COL23A1: variants seen among roughly 807,000 people sequenced by gnomAD.
COL23A1 encodes the protein collagen type XXIII alpha 1 chain.
COL23A1 carries 97 observed loss-of-function variants against 99.3 expected under a neutral mutation model. The ratio of observed to expected loss-of-function variants is 0.98; its 90% CI spans 0.83 to 1.16. The LOEUF is 1.16. Ranked by LOEUF, COL23A1 falls within the 50% of genes most tolerant of loss-of-function variation. The probability of loss-of-function intolerance (pLI) is 0.00; values close to 1 mark genes in which losing one functional copy is unlikely to be tolerated. For synonymous variants in COL23A1, 320 were observed against 308.2 expected, an observed-to-expected ratio of 1.04 and a Z score of -0.40; for missense variants, 762 against 757.4, an observed-to-expected ratio of 1.01 and a Z score of -0.07.
intron 5 of COL23A1, among the ~76,000 whole-genome samples, chr5:178,277,018 G>C (rs1756624723): frequency 6.6e-6 from 1 of 152,162 alleles, no homozygotes; most frequent in Admixed American, 6.5e-5. Context: ...AGTGTGAGGG[G>C]CTGGAATTGG....
intron 2 of COL23A1, among the ~76,000 whole-genome samples, chr5:178,555,070 G>A (rs560327212): frequency 2.6e-5 from 4 of 152,288 alleles, no homozygotes; most frequent in East Asian, 3.9e-4. Flanking sequence ...ATAAGGTGCC[G>A]TCAGGCTGAT....
intron 2 of COL23A1, among the ~76,000 whole-genome samples, chr5:178,431,820 A>G (rs1212445378): frequency 6.6e-6 from 1 of 152,268 alleles, no homozygotes; most frequent in Non-Finnish European, 1.5e-5. Flanking sequence ...TACAGCGTCC[A>G]CAAGAAACTA....
At chr5:178,436,534 CTG>C (rs1279353067) in intron 2 of COL23A1, among the ~76,000 whole-genome samples, 1 of 152,196 alleles carries the variant, frequency 6.6e-6, no homozygotes, top group Non-Finnish European at 1.5e-5. Flanking sequence ...TGGAAACACA[CTG>C]TGTGTTCTTC....
At chr5:178,319,499 G>A (rs754550381) in intron 2 of COL23A1, among the ~76,000 whole-genome samples, 2 of 152,194 alleles carry the variant, frequency 1.3e-5, no homozygotes, top group Non-Finnish European at 2.9e-5. Context: ...CCTACTCAGA[G>A]GTTCTAGGTG....
chr5:178,238,452 C>T lies in COL23A1; in HGVS notation c.*246G>A, dbSNP rs553580259. 66 of 560,570 alleles carry T rather than the reference C, an allele frequency of 1.2e-4. No homozygotes were observed. The East Asian group carries it at 1.9e-3, about 16-fold the overall frequency. The allele number at this position is 560,570 out of a possible 1,614,324, so 34.7% of individuals were successfully genotyped here. A position where few individuals can be genotyped will look rare whatever the true frequency, so the allele number is the denominator to read the frequency against. ...TGCCCGAGCCAGGTGCTTCTACCTT[C>T]ATCTCCTTCCTGGGAAAGCCCAGGC... On this transcript the variant is annotated 3_prime_UTR_variant, in exon 29 of 29. Coordinates refer to ENST00000390654, the MANE Select transcript of COL23A1 (RefSeq NM_173465.4).
chr5:178,470,185 GTGC>G (rs1756664393), intron 2 of COL23A1, among the ~76,000 whole-genome samples: 3 of 152,280 alleles, frequency 2.0e-5, no homozygotes, highest in South Asian at 4.1e-4. Context: ...TCAACACCTG[GTGC>G]AGCTCTTCCT....
chr5:178,467,073 G>A (rs542560597), intron 2 of COL23A1, among the ~76,000 whole-genome samples: 10 of 152,358 alleles, frequency 6.6e-5, no homozygotes, highest in African/African-American at 2.2e-4. Flanking sequence ...CTGTTACGAC[G>A]AGGTTAAGTT....
intron 20 of COL23A1, 68 bp downstream of exon 20, chr5:178,248,116 TGTCCCAAG>T: frequency 8.8e-7 from 1 of 1,132,610 alleles, no homozygotes; most frequent in Non-Finnish European, 1.3e-6. Context: ...GTGGCCTTTT[TGTCCCAAG>T]GCTCAGGGTC....
chr5:178,347,722 A>C (rs571071352), intron 2 of COL23A1, among the ~76,000 whole-genome samples: 2 of 152,050 alleles, frequency 1.3e-5, no homozygotes, highest in Non-Finnish European at 2.9e-5. Flanking sequence ...CTCTACTAAA[A>C]GTACAAAAAT....
rs550805700 is a variant in COL23A1 at position 178,309,767 on chromosome 5, G to A, written c.362-2848C>T. On this transcript the variant is annotated intron_variant, in intron 2 of 28. Coordinates refer to ENST00000390654, the MANE Select transcript of COL23A1 (RefSeq NM_173465.4). This position sits in a 1 kb window ranked among gnomAD's most constrained non-coding sequence, Gnocchi z 4.7. ...GACCCCTTCCTTCTCAGCATCAGGC[G>A]AACGCTGCCCCTGCACTCAGTCCCC... is the stretch of plus-strand genomic sequence containing the variant. Among the ~76,000 whole-genome samples, 10 of 151,350 alleles carry A rather than the reference G, an allele frequency of 6.6e-5. No homozygotes were observed. In the South Asian group the frequency reaches 1.0e-3, roughly 16 times the overall value.
At chr5:178,578,088 C>G (rs1763477125) in intron 1 of COL23A1, among the ~76,000 whole-genome samples, 1 of 150,480 alleles carries the variant, frequency 6.6e-6, no homozygotes, top group Admixed American at 6.6e-5. Flanking sequence ...TGCACACACA[C>G]ATGCATGCAC....
intron 2 of COL23A1, among the ~76,000 whole-genome samples, chr5:178,490,969 A>T (rs562340099): frequency 5.4e-4 from 82 of 152,254 alleles, no homozygotes; most frequent in Non-Finnish European, 5.9e-4. Context: ...TTCTTTCTTT[A>T]TTCTATTCCA....
chr5:178,318,639 C>G lies in COL23A1; in HGVS notation c.362-11720G>C, dbSNP rs574100258. On this transcript the variant is annotated intron_variant, in intron 2 of 28. Transcript: ENST00000390654. ...GCTTTCGGCCGGGCGCGGTGGCTCA[C>G]ACCTATAATTCCAGCACTTTGGGAG... 1.0e-3 allele frequency among the ~76,000 whole-genome samples: 157 copies of G among 152,310 alleles called. 2 individuals carry two copies. In the South Asian group the frequency reaches 0.022, roughly 21 times the overall value.
At chr5:178,447,102 T>A (rs930578052) in intron 2 of COL23A1, among the ~76,000 whole-genome samples, 91 of 152,128 alleles carry the variant, frequency 6.0e-4, no homozygotes, top group African/African-American at 2.2e-3. Context: ...ATTATTATTT[T>A]TTTTTTTCTG....
intron 1 of COL23A1, among the ~76,000 whole-genome samples, chr5:178,564,969 T>C (rs1762770977): frequency 6.6e-6 from 1 of 152,228 alleles, no homozygotes; most frequent in African/African-American, 2.4e-5. Context: ...CAAAACATGA[T>C]ATTTATGCAG....
rs561049828 is a variant in COL23A1 at position 178,563,872 on chromosome 5, G to A, written c.295-3124C>T. ...CCCCATTGTATTCGCAGATATTAAG[G>A]CAGATTTCAAAACGTACTTGGAGAA... is the stretch of plus-strand genomic sequence containing the variant. On this transcript the variant is annotated intron_variant, in intron 1 of 28. Transcript: ENST00000390654. 2.0e-5 allele frequency among the ~76,000 whole-genome samples: 3 copies of A among 152,230 alleles called. No homozygotes were observed. In the South Asian group the frequency reaches 6.2e-4, roughly 32 times the overall value.
At chr5:178,270,441 A>C in intron 5 of COL23A1, 78 bp from the exon 6 acceptor site, 2 of 1,549,300 alleles carry the variant, frequency 1.3e-6, no homozygotes, top group Admixed American at 3.5e-5. Context: ...CAGGTGCACT[A>C]TTCAGTGACA....
At chr5:178,267,754 C>T (rs2127559928) in intron 7 of COL23A1, among the ~76,000 whole-genome samples, 1 of 152,334 alleles carries the variant, frequency 6.6e-6, no homozygotes, top group African/African-American at 2.4e-5. Flanking sequence ...GGTTTCAAAG[C>T]CCCTGATGGA....
At chr5:178,437,303 C>T (rs1440736926) in intron 2 of COL23A1, among the ~76,000 whole-genome samples, 1 of 152,200 alleles carries the variant, frequency 6.6e-6, no homozygotes, top group African/African-American at 2.4e-5. Context: ...TCACAGAAAT[C>T]TCGCTGTGAC....
Sources: allele counts gnomAD v4.1 joint callset (sites outside exome capture counted in the v4.1 genomes callset), GRCh38; gene constraint gnomAD v4.1.1; non-coding constraint Gnocchi (gnomAD v3.1); transcripts MANE v1.5; gene names NCBI Gene and HGNC (gene_info 2026-07-23, HGNC 2026-07-21).